Variants in CNGA2 observed in about 807,000 individuals in gnomAD.
The protein encoded by CNGA2 is cyclic nucleotide-gated channel alpha-2.
A neutral mutation model predicts 35.9 loss-of-function variants in CNGA2; 22 were observed. The ratio of observed to expected loss-of-function variants is 0.61; its 90% CI spans 0.44 to 0.88. The LOEUF is 0.88. Among genes scored for constraint, CNGA2 ranks in the 40% least tolerant of loss-of-function variants. The pLI is 0.00. For missense variants in CNGA2, 555 were observed against 530.8 expected (o/e 1.05, Z -0.45); for synonymous variants, 217 against 209.2 (o/e 1.04, Z -0.32).
At chrX:151,737,885 A>C (rs1452520639) in intron 1 of CNGA2, among the ~76,000 whole-genome samples, 1 of 104,687 alleles carries the variant, frequency 9.6e-6, no homozygotes, top group Non-Finnish European at 2.0e-5. Flanking sequence ...TCCCTGGCCC[A>C]GAGCAGCTGC....
intron 4 of CNGA2, 59 bp downstream of exon 4, chrX:151,739,791 A>C: frequency 4.0e-5 from 46 of 1,142,264 alleles, no homozygotes; most frequent in Non-Finnish European, 5.0e-5. Context: ...GGAAGAGCTC[A>C]CTGGGGTTTC....
In CNGA2 at chrX:151,744,371, C is replaced by T. The variant is rs969937452; in HGVS notation, c.1868C>T (p.Thr623Met). The T allele has an allele frequency of 1.1e-5, 13 of 1,208,569 alleles. No homozygotes were observed. Among genetic ancestry groups the T allele is most frequent in the Middle Eastern group, 2.3e-4 (1 of 4,371 alleles). Residue 623 changes from threonine to methionine, a missense_variant, in exon 7 of 7, where the codon ACG becomes ATG. Thr to Met is a moderately conservative substitution (Grantham distance 81, BLOSUM62 -1). Coordinates refer to ENST00000329903, the MANE Select transcript of CNGA2 (RefSeq NM_005140.3). ...TRFGRLLAEY[T>M]GAQQKLKQRI... is the part of the protein sequence containing the mutation. ...TTTGGCCGCCTGCTGGCTGAGTACA[C>T]GGGGGCCCAGCAGAAGCTCAAGCAG...
In CNGA2 at chrX:151,739,750, A is replaced by T; in HGVS notation, c.374+18A>T. ...GGCACCAAGTACAGCTGTTCAGCCT[A>T]TGGGACTCAAATGGGCTTTAAGCAT... On this transcript the variant is annotated intron_variant, in intron 4 of 6. Transcript: ENST00000329903. The T allele has an allele frequency of 8.3e-7, 1 of 1,205,985 alleles. No homozygotes were observed. Among genetic ancestry groups the T allele is most frequent in the Non-Finnish European group, 1.1e-6 (1 of 891,716 alleles).
At position 151,739,509 on chromosome X, in the gene CNGA2, C is replaced by A. The variant is rs187026988; in HGVS notation, c.204-53C>A. ...GTGAGCTCTTGGGGACTGGTGCTTT[C>A]TGAACAGCATGAGTCTTGGCTCTGG... On this transcript the variant is annotated intron_variant, in intron 3 of 6. Transcript: ENST00000329903. 1,060 of 1,149,496 alleles carry A rather than the reference C, an allele frequency of 9.2e-4. 3 individuals carry two copies. The highest frequency in any genetic ancestry group is 1.2e-3 in the Non-Finnish European group (990 of 852,759). The allele number at this position is 1,149,496 out of a possible 1,213,427, so 94.7% of individuals were successfully genotyped here. A position where few individuals can be genotyped will look rare whatever the true frequency, so the allele number is the denominator to read the frequency against.
In CNGA2 at chrX:151,743,772, G is replaced by A. The variant is rs1569428630; in HGVS notation, c.1269G>A (p.Val423=). 1 of 1,211,678 alleles carries A rather than the reference G, an allele frequency of 8.3e-7. No individual in the cohort carries two copies. The change falls in exon 7 of 7, where the codon GTG becomes GTA. Residue 423 remains valine (V), a synonymous_variant. Coordinates refer to ENST00000329903, the MANE Select transcript of CNGA2 (RefSeq NM_005140.3). ...FDYLWTNKKT[V]DEREILKNLP... is the part of the protein sequence containing the mutation. ...ACTTGTGGACCAATAAGAAGACAGT[G>A]GATGAGCGAGAAATTCTCAAGAATC...
chrX:151,742,072 C>T (rs1348633790), intron 5 of CNGA2, among the ~76,000 whole-genome samples: 1 of 112,769 alleles, frequency 8.9e-6, no homozygotes, highest in Non-Finnish European at 1.9e-5. Context: ...TATTCTCCCT[C>T]TCACGTGTAT....
chrX:151,736,068 C>A (rs1173612223), intron 1 of CNGA2, among the ~76,000 whole-genome samples: 2 of 111,718 alleles, frequency 1.8e-5, no homozygotes, highest in African/African-American at 6.5e-5. Flanking sequence ...CCTGAAAGTT[C>A]TGCCTTCCCT....
At position 151,741,664 on chromosome X, in the gene CNGA2, G is replaced by A. The variant is rs1051509371; in HGVS notation, c.482+763G>A. On this transcript the variant is annotated intron_variant, in intron 5 of 6. Coordinates refer to ENST00000329903, the MANE Select transcript of CNGA2 (RefSeq NM_005140.3). ...TAGAGAAAGGGCAGTCAGGATCAGC[G>A]TCTCTGAGGAGGTGATGCCTTAGCT... Among the ~76,000 whole-genome samples the A allele has an allele frequency of 7.1e-5, 8 of 112,576 alleles. No individual in the cohort carries two copies. The East Asian group carries it at 8.4e-4, about 12-fold the overall frequency.
In CNGA2 at chrX:151,743,276, A is replaced by C; in HGVS notation, c.773A>C (p.Glu258Ala). 3 of 1,203,702 alleles carry C rather than the reference A, an allele frequency of 2.5e-6. No individual in the cohort carries two copies. Among genetic ancestry groups the C allele is most frequent in the Non-Finnish European group, 3.4e-6 (3 of 893,869 alleles). The change falls in exon 7 of 7, where the codon GAG becomes GCG. Residue 258 changes from glutamate to alanine, a missense_variant. Physicochemically the swap from Glu to Ala is moderately radical, Grantham distance 107. Transcript: ENST00000329903. ...NRLLHFARMF[E>A]FFDRTETRTN... is the part of the protein sequence containing the mutation. ...CTGCTGCACTTTGCCCGCATGTTTG[A>C]GTTCTTTGACCGGACAGAGACACGC... is the stretch of plus-strand genomic sequence containing the variant.
rs780543284 is a variant in CNGA2 at position 151,744,286 on chromosome X, G to A, written c.1783G>A (p.Val595Ile). The A allele has an allele frequency of 8.3e-7, 1 of 1,208,311 alleles. No individual in the cohort carries two copies. Among genetic ancestry groups the A allele is most frequent in the Non-Finnish European group, 1.1e-6 (1 of 894,863 alleles). ...DENEVATSME[V>I]DVQEKLGQLE... The stretch of plus-strand genomic sequence containing the variant: ...GAACGAAGTGGCAACCAGCATGGAG[G>A]TCGACGTGCAGGAGAAGCTAGGGCA... The change falls in exon 7 of 7, where the codon GTC becomes ATC. Residue 595 changes from valine to isoleucine, a missense_variant. Coordinates refer to ENST00000329903, the MANE Select transcript of CNGA2 (RefSeq NM_005140.3).
At chrX:151,738,400 C>T (rs777407062) in intron 1 of CNGA2, 58 bp from the exon 2 acceptor site, 27 of 806,784 alleles carry the variant, frequency 3.3e-5, no homozygotes, top group Non-Finnish European at 4.8e-5. Flanking sequence ...GCCACTCTCC[C>T]ACTCTCTGTG....
chrX:151,742,417 G>T (rs1039502931), intron 5 of CNGA2, 119 bp from the exon 6 acceptor site: 3 of 500,545 alleles, frequency 6.0e-6, no homozygotes, highest in Non-Finnish European at 1.0e-5. Context: ...GGCTGACTGT[G>T]ACTAAATGAT....
chrX:151,739,294 T>C (rs2015278928), intron 3 of CNGA2, among the ~76,000 whole-genome samples: 1 of 112,084 alleles, frequency 8.9e-6, no homozygotes, highest in African/African-American at 3.2e-5. Context: ...CTTCGCACCA[T>C]CAACTGAGAT....
chrX:151,743,699 G>A lies in CNGA2; in HGVS notation c.1196G>A (p.Arg399Gln), dbSNP rs150539917. The change falls in exon 7 of 7, where the codon CGA (arginine) becomes CAA (glutamine). Residue 399 changes from arginine to glutamine, a missense_variant. Coordinates refer to ENST00000329903, the MANE Select transcript of CNGA2 (RefSeq NM_005140.3). The part of the protein sequence containing the change: ...IDAVKHYMQF[R>Q]KVSKGMEAKV... ...GCCGTGAAACACTACATGCAGTTCCGAAAGGTCAGCAAGGGGATGGAAGCC... is the reference window on the plus strand; with the variant it reads ...GCCGTGAAACACTACATGCAGTTCCAAAAGGTCAGCAAGGGGATGGAAGCC... 5.3e-3 allele frequency: 6,384 copies of A among 1,209,649 alleles called. 199 individuals carry two copies. The African/African-American group carries it at 0.094, about 18-fold the overall frequency.
rs779524501 is a variant in CNGA2 at position 151,738,583 on chromosome X, A to G, written c.100A>G (p.Thr34Ala). ...IKANGKDDHR[T>A]SSRPHSAADD... ...GGCCAATGGCAAAGATGACCACAGGACAAGCAGCAGGTGAGTCTGCATGGT... is the reference window on the plus strand; with the variant it reads ...GGCCAATGGCAAAGATGACCACAGGGCAAGCAGCAGGTGAGTCTGCATGGT... Residue 34 changes from threonine (T) to alanine (A), a missense_variant, in exon 2 of 7, where the codon ACA becomes GCA. By Grantham distance (58) the Thr-to-Ala change is moderately conservative. Coordinates refer to ENST00000329903, the MANE Select transcript of CNGA2 (RefSeq NM_005140.3). The G allele has an allele frequency of 3.3e-6, 4 of 1,206,830 alleles. No homozygotes were observed. In the East Asian group the frequency reaches 8.9e-5, roughly 27 times the overall value.
At chrX:151,740,036 G>T (rs889830884) in intron 4 of CNGA2, among the ~76,000 whole-genome samples, 4 of 112,383 alleles carry the variant, frequency 3.6e-5, no homozygotes, top group Non-Finnish European at 7.5e-5. Flanking sequence ...TACTGAGAGG[G>T]TGCATTCAGG....
Position 151,738,523 on chromosome X carries a change from A to G in CNGA2, c.40A>G (p.Asn14Asp), listed in dbSNP as rs1296257121. Residue 14 changes from asparagine to aspartate, a missense_variant, in exon 2 of 7, where the codon AAT (asparagine) becomes GAT (aspartate). Asn to Asp is a conservative substitution (Grantham distance 23). Transcript: ENST00000329903. ...KTNGVKSSPA[N>D]NHNHHAPPAI... is the part of the protein sequence containing the mutation. ...CAATGGTGTGAAGAGCTCCCCAGCC[A>G]ATAATCACAACCATCATGCACCTCC... 1 of 1,211,778 alleles carries G rather than the reference A, an allele frequency of 8.3e-7. No homozygotes were observed. Among genetic ancestry groups the G allele is most frequent in the South Asian group, 1.8e-5 (1 of 56,986 alleles).
intron 5 of CNGA2, among the ~76,000 whole-genome samples, chrX:151,741,701 G>A (rs1217486365): frequency 8.9e-6 from 1 of 112,309 alleles, no homozygotes; most frequent in Non-Finnish European, 1.9e-5. Flanking sequence ...GTGGGAGGGA[G>A]GCAGCCAATT....
At chrX:151,742,272 C>T (rs12013595) in intron 5 of CNGA2, among the ~76,000 whole-genome samples, 10,010 of 111,635 alleles carry the variant, frequency 0.09, 353 homozygotes, top group Middle Eastern at 0.19. Flanking sequence ...AAGAGGGGTC[C>T]CTGCCTTCCT....
Sources: gnomAD v4.1 joint callset for allele counts (sites outside exome capture counted in the v4.1 genomes callset) on GRCh38, gnomAD v4.1.1 for gene constraint, MANE v1.5 for transcripts, NCBI Gene and HGNC (gene_info 2026-07-23, HGNC 2026-07-21) for gene names.